Variants in PPP3R1 observed in about 807,000 individuals in gnomAD.
PPP3R1 encodes calcineurin subunit B type 1.
In PPP3R1, 5 loss-of-function variants were observed where a neutral mutation model predicts 22.6. The ratio of observed to expected loss-of-function variants is 0.22; its 90% CI spans 0.12 to 0.46. The LOEUF is 0.46. Among genes scored for constraint, PPP3R1 ranks in the 20% least tolerant of loss-of-function variants. PPP3R1 has a pLI of 0.99. For missense variants in PPP3R1, 61 were observed against 203.2 expected (o/e 0.30, Z 4.25); for synonymous variants, 56 against 65.2 (o/e 0.86, Z 0.68).
chr2:68,183,748 T>C (rs1674471532), intron 5 of PPP3R1, among the ~76,000 whole-genome samples: 1 of 152,208 alleles, frequency 6.6e-6, no homozygotes, highest in Non-Finnish European at 1.5e-5. Context: ...GAACTTATTT[T>C]TTTGGACCTG....
chr2:68,240,138 G>C (rs1025464263), intron 1 of PPP3R1, among the ~76,000 whole-genome samples: 1 of 152,154 alleles, frequency 6.6e-6, no homozygotes, highest in Non-Finnish European at 1.5e-5. Flanking sequence ...GTAAGTCAAG[G>C]AGCATTTGTA....
intron 1 of PPP3R1, among the ~76,000 whole-genome samples, chr2:68,219,948 T>TA: frequency 6.6e-6 from 1 of 152,304 alleles, no homozygotes. Flanking sequence ...AGACTCCCCT[T>TA]ACACTATACT....
At chr2:68,194,895 C>T (rs1674736959) in intron 2 of PPP3R1, among the ~76,000 whole-genome samples, 1 of 152,036 alleles carries the variant, frequency 6.6e-6, no homozygotes, top group Admixed American at 6.6e-5. Flanking sequence ...TAACTTATTA[C>T]CTATTAATAC....
chr2:68,227,636 T>C (rs1209483986), intron 1 of PPP3R1, among the ~76,000 whole-genome samples: 1 of 152,000 alleles, frequency 6.6e-6, no homozygotes, highest in African/African-American at 2.4e-5. Flanking sequence ...AATTACAATC[T>C]ATAACTTGAG....
At chr2:68,198,712 A>T (rs1572957458) in intron 2 of PPP3R1, among the ~76,000 whole-genome samples, 1 of 152,250 alleles carries the variant, frequency 6.6e-6, no homozygotes, top group African/African-American at 2.4e-5. Flanking sequence ...TAAATTTTTT[A>T]AAATCTTGTT....
intron 2 of PPP3R1, among the ~76,000 whole-genome samples, chr2:68,209,885 A>T (rs1169469666): frequency 1.3e-5 from 2 of 152,190 alleles, no homozygotes; most frequent in Non-Finnish European, 2.9e-5. Context: ...AGTCAGTCAA[A>T]TAAAGAGCTG....
chr2:68,202,294 T>A (rs59773538), intron 2 of PPP3R1, among the ~76,000 whole-genome samples: 2 of 152,228 alleles, frequency 1.3e-5, no homozygotes, highest in African/African-American at 2.4e-5. Context: ...GATTACTATA[T>A]GTCATGAACC....
intron 1 of PPP3R1, among the ~76,000 whole-genome samples, chr2:68,234,704 A>C (rs62143867): frequency 6.6e-6 from 1 of 152,248 alleles, no homozygotes; most frequent in African/African-American, 2.4e-5. Context: ...TATTACATGG[A>C]AACTTTCCAA....
intron 2 of PPP3R1, among the ~76,000 whole-genome samples, chr2:68,206,085 T>C (rs1016645598): frequency 7.9e-5 from 12 of 152,202 alleles, no homozygotes; most frequent in Non-Finnish European, 1.6e-4. Flanking sequence ...CCCAAAGTGC[T>C]GGGATTACAG....
At chr2:68,245,932 G>A (rs989222221) in intron 1 of PPP3R1, among the ~76,000 whole-genome samples, 1 of 151,728 alleles carries the variant, frequency 6.6e-6, no homozygotes, top group South Asian at 2.1e-4. Flanking sequence ...TCCCCTTCTT[G>A]TCTAAGGAGA....
At chr2:68,219,120 C>T (rs1366921127) in intron 1 of PPP3R1, among the ~76,000 whole-genome samples, 2 of 152,186 alleles carry the variant, frequency 1.3e-5, no homozygotes, top group Non-Finnish European at 2.9e-5. Flanking sequence ...AAAACCAACA[C>T]TCTTTAGAAA....
rs192449152 is a variant in PPP3R1 at position 68,185,745 on chromosome 2, G to A, written c.465+723C>T. ...AGGGACAGAAATGGCTTGCGGTAGC[G>A]CCCCCTGGGGGTAGTTCAGTGTCTT... On this transcript the variant is annotated intron_variant, in intron 5 of 5. Transcript: ENST00000234310. 5.3e-3 allele frequency among the ~76,000 whole-genome samples: 809 copies of A among 152,056 alleles called. 3 individuals carry two copies. Among genetic ancestry groups the A allele is most frequent in the Non-Finnish European group, 7.3e-3 (495 of 67,982 alleles).
Position 68,199,738 on chromosome 2 carries a change from A to G in PPP3R1, c.44-11048T>C, listed in dbSNP as rs1674933810. Among the ~76,000 whole-genome samples, 3 of 152,230 alleles carry G rather than the reference A, an allele frequency of 2.0e-5. No individual in the cohort carries two copies. The South Asian group carries it at 6.2e-4, about 32-fold the overall frequency. Reference sequence around the variant, plus strand: ...TGTTTTTCTCTTTTGTCAAAATAGTAAATTACATTAATTTTTGAATGTTAA... The same window carrying G: ...TGTTTTTCTCTTTTGTCAAAATAGTGAATTACATTAATTTTTGAATGTTAA... On this transcript the variant is annotated intron_variant, in intron 2 of 5. Transcript: ENST00000234310.
intron 5 of PPP3R1, among the ~76,000 whole-genome samples, chr2:68,183,834 G>C (rs1180265641): frequency 1.3e-5 from 2 of 152,140 alleles, no homozygotes; most frequent in African/African-American, 4.8e-5. Flanking sequence ...TCTGTAGAAA[G>C]GGCACTGGAA....
chr2:68,246,689 T>C (rs1201289531), intron 1 of PPP3R1, among the ~76,000 whole-genome samples: 2 of 152,200 alleles, frequency 1.3e-5, no homozygotes, highest in Admixed American at 1.3e-4. Flanking sequence ...TCTCTGGCTA[T>C]TCAATGACAA....
chr2:68,181,817 A>T (rs1015700854), intron 5 of PPP3R1, among the ~76,000 whole-genome samples: 1 of 152,180 alleles, frequency 6.6e-6, no homozygotes, highest in East Asian at 1.9e-4. Context: ...AAAAGTACCA[A>T]GTGAATAAAC....
At chr2:68,198,123 T>C (rs1206886264) in intron 2 of PPP3R1, among the ~76,000 whole-genome samples, 3 of 119,562 alleles carry the variant, frequency 2.5e-5, no homozygotes, top group Admixed American at 9.6e-5. Flanking sequence ...TGTAAATATA[T>C]ATGTAAACAT....
At chr2:68,226,776 T>G (rs1029923275) in intron 1 of PPP3R1, among the ~76,000 whole-genome samples, 1 of 152,136 alleles carries the variant, frequency 6.6e-6, no homozygotes, top group African/African-American at 2.4e-5. Flanking sequence ...TGGAACGGTT[T>G]AAGTCCTAAT....
Position 68,180,819 on chromosome 2 carries a change from T to G in PPP3R1, c.*144A>C. 1 of 784,846 alleles carries G rather than the reference T, an allele frequency of 1.3e-6. No homozygotes were observed. The highest frequency in any genetic ancestry group is 2.4e-5 in the Admixed American group (1 of 41,278). 48.6% of individuals were successfully genotyped at this position (784,846 alleles called of 1,614,324 possible). On this transcript the variant is annotated 3_prime_UTR_variant, in exon 6 of 6. Transcript: ENST00000234310. ...ACAGTTCAATAACACTTAGTTGGCT[T>G]CATGAGGCTCATGTTGGAAAATGTG...
Sources: allele counts gnomAD v4.1 joint callset (sites outside exome capture counted in the v4.1 genomes callset), GRCh38; gene constraint gnomAD v4.1.1; transcripts MANE v1.5; gene names NCBI Gene and HGNC (gene_info 2026-07-23, HGNC 2026-07-21).